MTAP: variants seen among roughly 807,000 people sequenced by gnomAD.
The protein encoded by MTAP is S-methyl-5'-thioadenosine phosphorylase.
MTAP carries 33 observed loss-of-function variants against 33.6 expected under a neutral mutation model. The observed-to-expected ratio is 0.98, with a 90% CI of 0.74 to 1.31. The LOEUF (loss-of-function observed/expected upper bound fraction) is 1.31. Ranked by LOEUF, MTAP falls within the 40% of genes most tolerant of loss-of-function variation. MTAP has a pLI of 0.00. For synonymous variants in MTAP, 148 were observed against 125.7 expected (o/e 1.18, Z -1.19); for missense variants, 367 against 360.0 (o/e 1.02, Z -0.16).
chr9:21,844,610 C>G (rs1172006354), intron 5 of MTAP, among the ~76,000 whole-genome samples: 1 of 152,172 alleles, frequency 6.6e-6, no homozygotes, highest in African/African-American at 2.4e-5. Flanking sequence ...ATCACATAAA[C>G]ATAATTTAAA....
downstream of MTAP, chr9:21,940,939 A>G (rs1819128548): frequency 5.4e-5 from 52 of 964,830 alleles, no homozygotes; most frequent in Non-Finnish European, 6.4e-5. Context: ...AAGGGGTGCT[A>G]AAAGTTACAA....
At chr9:21,912,115 G>T (rs1348112080) in intron 1 of MTAP, among the ~76,000 whole-genome samples, 5 of 152,074 alleles carry the variant, frequency 3.3e-5, no homozygotes, top group African/African-American at 1.2e-4. Context: ...CCAATAACAG[G>T]CTCTGAAATT....
At chr9:21,938,364 A>G (rs955666989), downstream of MTAP, among the ~76,000 whole-genome samples, 11 of 151,822 alleles carry the variant, frequency 7.2e-5, no homozygotes, top group East Asian at 1.9e-4. Flanking sequence ...CCTGAACCTA[A>G]GGAGGTTCAG....
intron 1 of MTAP, among the ~76,000 whole-genome samples, chr9:21,885,389 A>G (rs924198342): frequency 3.3e-5 from 5 of 152,154 alleles, no homozygotes; most frequent in African/African-American, 7.2e-5. Context: ...ATCCCCCAAG[A>G]TTCTGATTCA....
At chr9:21,806,354 C>T (rs1824207049) in intron 1 of MTAP, among the ~76,000 whole-genome samples, 1 of 151,928 alleles carries the variant, frequency 6.6e-6, no homozygotes, top group Non-Finnish European at 1.5e-5. Flanking sequence ...ACCTGGAAAA[C>T]CAAAAAGATG....
intron 1 of MTAP, among the ~76,000 whole-genome samples, chr9:21,903,849 C>T (rs1818429518): frequency 6.6e-6 from 1 of 152,154 alleles, no homozygotes; most frequent in African/African-American, 2.4e-5. Context: ...GCATGAGTTA[C>T]AGGGTGCTCT....
At chr9:21,913,724 A>G (rs1818625472) in intron 1 of MTAP, among the ~76,000 whole-genome samples, 1 of 152,224 alleles carries the variant, frequency 6.6e-6, no homozygotes, top group Non-Finnish European at 1.5e-5. Context: ...ATGGGCAAGG[A>G]CTTCATGTCT....
intron 1 of MTAP, among the ~76,000 whole-genome samples, chr9:21,914,642 T>C (rs541848775): frequency 3.8e-5 from 1 of 26,358 alleles, no homozygotes; most frequent in African/African-American, 1.5e-4. Context: ...GGGGTGGGGG[T>C]GGGGGGAGGG....
intron 1 of MTAP, among the ~76,000 whole-genome samples, chr9:21,811,117 G>A (rs1360581074): frequency 6.6e-6 from 1 of 152,216 alleles, no homozygotes; most frequent in Non-Finnish European, 1.5e-5. Context: ...TCGTGAGCTT[G>A]AGGCACTCAG....
chr9:21,802,985 AACACACACAC>A (rs753392319), intron 1 of MTAP: 13,688 of 444,350 alleles, frequency 0.031, 248 homozygotes, highest in African/African-American at 0.12. Flanking sequence ...CCGCACCGCC[AACACACACAC>A]ACACACACAC....
At chr9:21,919,589 G>A (rs143079561) in intron 1 of MTAP, among the ~76,000 whole-genome samples, 25 of 152,320 alleles carry the variant, frequency 1.6e-4, no homozygotes, top group African/African-American at 6.0e-4. Flanking sequence ...ACACTGTGAG[G>A]TTCAAGGGTG....
At chr9:21,859,251 C>G in intron 6 of MTAP, 52 bp from the exon 7 acceptor site, 3 of 1,560,824 alleles carry the variant, frequency 1.9e-6, no homozygotes, top group Non-Finnish European at 2.6e-6. Flanking sequence ...TGTTTTATGA[C>G]AAGCAGTGGA....
chr9:21,930,423 C>G (rs1046895062), intron 1 of MTAP: 3 of 212,426 alleles, frequency 1.4e-5, no homozygotes, highest in Non-Finnish European at 2.8e-5. Context: ...GATTATGTAC[C>G]CCTGGACATC....
downstream of MTAP, chr9:21,935,128 C>T (rs1006937275): frequency 6.6e-6 from 1 of 151,900 alleles, no homozygotes; most frequent in African/African-American, 2.4e-5. Context: ...TTTCATAAGT[C>T]AATTAAAATT....
chr9:21,911,165 C>T (rs919579627), intron 1 of MTAP, among the ~76,000 whole-genome samples: 2 of 152,104 alleles, frequency 1.3e-5, no homozygotes, highest in African/African-American at 4.8e-5. Context: ...GACTTAGACT[C>T]CCACACAGTA....
At chr9:21,939,382 T>C (rs557219318), downstream of MTAP, among the ~76,000 whole-genome samples, 3 of 152,366 alleles carry the variant, frequency 2.0e-5, no homozygotes, top group South Asian at 6.2e-4. Context: ...ATTTTTCAGA[T>C]TTAACGTAAC....
intron 1 of MTAP, among the ~76,000 whole-genome samples, chr9:21,805,677 C>T (rs1824190603): frequency 3.3e-5 from 5 of 152,126 alleles, no homozygotes; most frequent in Admixed American, 3.3e-4. Context: ...AAAAGAGGCC[C>T]CAGAGAGCTG....
chr9:21,887,773 G>T (rs1362719876), intron 1 of MTAP, among the ~76,000 whole-genome samples: 2 of 152,114 alleles, frequency 1.3e-5, no homozygotes, highest in East Asian at 3.9e-4. Context: ...TCCAACACCT[G>T]TTGTTTCCTG....
chr9:21,817,377 C>T (rs1824502176), intron 3 of MTAP, among the ~76,000 whole-genome samples: 1 of 151,948 alleles, frequency 6.6e-6, no homozygotes, highest in Non-Finnish European at 1.5e-5. Context: ...ACAGCTTAGC[C>T]AGTCCTCTGC....
Sources: gnomAD v4.1 joint callset for allele counts (sites outside exome capture counted in the v4.1 genomes callset) on GRCh38, gnomAD v4.1.1 for gene constraint, MANE v1.5 for transcripts, NCBI Gene and HGNC (gene_info 2026-07-23, HGNC 2026-07-21) for gene names.